Variants in PRKD1 observed in about 807,000 individuals in gnomAD.
PRKD1 encodes protein kinase D1.
A neutral mutation model predicts 95.9 loss-of-function variants in PRKD1; 63 were observed. The observed-to-expected ratio is 0.66, with a 90% confidence interval of 0.54 to 0.81. PRKD1 has a LOEUF of 0.81. Ranked by LOEUF, PRKD1 falls within the 30% of genes least tolerant of loss-of-function variation. The probability of loss-of-function intolerance (pLI) is 0.00; values close to 1 mark genes in which losing one functional copy is unlikely to be tolerated. For missense variants in PRKD1, 1,048 were observed against 1,165.3 expected (o/e 0.90, Z 1.47); for synonymous variants, 425 against 423.1 (o/e 1.00, Z -0.05).
At chr14:29,701,006 A>ACACACACACACACACACACACACC (rs1555337080) in intron 2 of PRKD1, among the ~76,000 whole-genome samples, 2 of 50,668 alleles carry the variant, frequency 3.9e-5, no homozygotes, top group African/African-American at 2.1e-4. Context: ...ACACACACAC[A>ACACACACACACACACACACACACC]CCCTGTTGTG....
chr14:29,652,653 G>A (rs1881584040), intron 4 of PRKD1, among the ~76,000 whole-genome samples: 1 of 152,218 alleles, frequency 6.6e-6, no homozygotes, highest in South Asian at 2.1e-4. Context: ...AAACTAGTTT[G>A]TAGAATCATC....
intron 1 of PRKD1, among the ~76,000 whole-genome samples, chr14:29,735,002 C>T (rs988224908): frequency 1.3e-5 from 2 of 152,110 alleles, no homozygotes; most frequent in Non-Finnish European, 2.9e-5. Context: ...TGAGGGATCA[C>T]GTTACTGCAT....
At chr14:29,865,683 C>A (rs937026080) in intron 1 of PRKD1, among the ~76,000 whole-genome samples, 1 of 152,174 alleles carries the variant, frequency 6.6e-6, no homozygotes, top group Admixed American at 6.5e-5. Context: ...AAATAAAGTT[C>A]TGTTCATTAT....
At chr14:29,789,134 C>T (rs532702679) in intron 1 of PRKD1, among the ~76,000 whole-genome samples, 59 of 152,162 alleles carry the variant, frequency 3.9e-4, no homozygotes, top group Non-Finnish European at 7.3e-4. Flanking sequence ...GATGTTCCTG[C>T]CTCAGTATCC....
intron 1 of PRKD1, among the ~76,000 whole-genome samples, chr14:29,810,214 C>G (rs772966370): frequency 7.0e-4 from 106 of 152,060 alleles, no homozygotes; most frequent in Non-Finnish European, 1.4e-3. Flanking sequence ...GTGATAATTA[C>G]CAAAACATGA....
At chr14:29,650,714 A>G (rs1881440723) in intron 4 of PRKD1, among the ~76,000 whole-genome samples, 1 of 152,210 alleles carries the variant, frequency 6.6e-6, no homozygotes. Context: ...AGAAGCAAGA[A>G]CTAAAGCAGT....
chr14:29,609,369 A>G (rs560451092), intron 13 of PRKD1, among the ~76,000 whole-genome samples: 7 of 152,224 alleles, frequency 4.6e-5, no homozygotes, highest in Admixed American at 2.0e-4. Context: ...CAATTTTTTC[A>G]TCATAAATTA....
chr14:29,819,418 C>G (rs999036668), intron 1 of PRKD1, among the ~76,000 whole-genome samples: 1 of 152,072 alleles, frequency 6.6e-6, no homozygotes, highest in Non-Finnish European at 1.5e-5. Context: ...GGGCCGGGCG[C>G]GGTGGCTCAT....
At chr14:29,833,011 G>A (rs912729240) in intron 1 of PRKD1, among the ~76,000 whole-genome samples, 2 of 151,900 alleles carry the variant, frequency 1.3e-5, no homozygotes, top group Admixed American at 6.6e-5. Context: ...TAAGCTCCCT[G>A]CGAAGTTGGA....
intron 4 of PRKD1, among the ~76,000 whole-genome samples, chr14:29,659,556 A>G (rs921334509): frequency 2.6e-5 from 4 of 152,154 alleles, no homozygotes; most frequent in African/African-American, 9.6e-5. Context: ...AAGTTTTCCA[A>G]AGTCGTTTGG....
chr14:29,927,184 G>T, intron 1 of PRKD1, 65 bp downstream of exon 1: 1 of 1,396,614 alleles, frequency 7.2e-7, no homozygotes, highest in Non-Finnish European at 9.3e-7. Context: ...CGCGGAGAGG[G>T]CCAGCCGGGC....
chr14:29,626,407 T>A, intron 12 of PRKD1, 77 bp downstream of exon 12: 1 of 1,181,668 alleles, frequency 8.5e-7, no homozygotes, highest in Non-Finnish European at 1.2e-6. Context: ...TTCTATGTTT[T>A]TCCTGTAAAT....
intron 1 of PRKD1, among the ~76,000 whole-genome samples, chr14:29,777,230 C>T (rs1888805677): frequency 1.3e-5 from 2 of 152,178 alleles, no homozygotes; most frequent in African/African-American, 4.8e-5. Flanking sequence ...GAAGAAACTG[C>T]ATCAACTAAC....
chr14:29,599,980 A>G (rs190093769), intron 13 of PRKD1, among the ~76,000 whole-genome samples, 163 bp from the exon 14 acceptor site: 457 of 152,328 alleles, frequency 3.0e-3, no homozygotes, highest in Non-Finnish European at 4.6e-3. Flanking sequence ...TATTTTTGAA[A>G]TTCTAATGTC....
chr14:29,650,034 G>A (rs1014090417), intron 4 of PRKD1, among the ~76,000 whole-genome samples: 2 of 152,098 alleles, frequency 1.3e-5, no homozygotes, highest in Non-Finnish European at 2.9e-5. Context: ...TCCCTTTCCT[G>A]GTTGGGGTAG....
chr14:29,883,228 C>T (rs975136679), intron 1 of PRKD1, among the ~76,000 whole-genome samples: 7 of 152,116 alleles, frequency 4.6e-5, no homozygotes, highest in African/African-American at 7.2e-5. Context: ...AGGCTCCACC[C>T]CCGTGGCCCA....
At chr14:29,580,777 T>C (rs1045494664) in intron 16 of PRKD1, among the ~76,000 whole-genome samples, 1 of 152,182 alleles carries the variant, frequency 6.6e-6, no homozygotes, top group Non-Finnish European at 1.5e-5. Context: ...CATGTCTACA[T>C]TGATACAATA....
At chr14:29,853,499 C>T (rs1391289815) in intron 1 of PRKD1, among the ~76,000 whole-genome samples, 1 of 152,118 alleles carries the variant, frequency 6.6e-6, no homozygotes, top group African/African-American at 2.4e-5. Flanking sequence ...CCAAGGCCCA[C>T]AAAATAAACA....
intron 16 of PRKD1, among the ~76,000 whole-genome samples, chr14:29,589,517 T>TA (rs1401479321): frequency 6.6e-6 from 1 of 152,216 alleles, no homozygotes; most frequent in African/African-American, 2.4e-5. Context: ...GTGGACATGA[T>TA]AGTTGAGTGA....
Sources: allele counts gnomAD v4.1 joint callset (sites outside exome capture counted in the v4.1 genomes callset), GRCh38; gene constraint gnomAD v4.1.1; transcripts MANE v1.5; gene names NCBI Gene and HGNC (gene_info 2026-07-23, HGNC 2026-07-21).